The following VWA5A variants were observed in gnomAD, a reference collection of about 807,000 sequenced individuals.
VWA5A encodes the protein von Willebrand factor A domain-containing protein 5A.
A neutral mutation model predicts 84.6 loss-of-function variants in VWA5A; 77 were observed. The observed-to-expected ratio is 0.91, with a 90% CI of 0.76 to 1.10. The LOEUF is 1.10. Among genes scored for constraint, VWA5A ranks in the 50% least tolerant of loss-of-function variants. The probability of loss-of-function intolerance (pLI) is 0.00; values close to 1 mark genes in which losing one functional copy is unlikely to be tolerated. For missense variants in VWA5A, 973 were observed against 963.0 expected, an observed-to-expected ratio of 1.01 and a Z score of -0.14; for synonymous variants, 334 against 350.1, an observed-to-expected ratio of 0.95 and a Z score of 0.51.
intron 11 of VWA5A, chr11:124,124,554 T>A: frequency 8.0e-7 from 1 of 1,249,652 alleles, no homozygotes. Context: ...AACACAAGAA[T>A]TGAATAGTAA....
intron 18 of VWA5A, 111 bp from the exon 19 acceptor site, chr11:124,145,755 A>G: frequency 9.2e-7 from 1 of 1,085,862 alleles, no homozygotes; most frequent in Non-Finnish European, 1.3e-6. Context: ...AAGAAAAAGC[A>G]GGGATATTGA....
At chr11:124,127,148 T>C (rs1865030073) in intron 11 of VWA5A, among the ~76,000 whole-genome samples, 1 of 152,210 alleles carries the variant, frequency 6.6e-6, no homozygotes, top group Non-Finnish European at 1.5e-5. Context: ...TAGATATTTC[T>C]AATTCTATCC....
At position 124,124,182 on chromosome 11, in the gene VWA5A, G is replaced by C. The variant is rs764155596; in HGVS notation, c.1165-55G>C. 7.0e-6 allele frequency: 11 copies of C among 1,565,182 alleles called. No individual in the cohort carries two copies. The Admixed American group carries it at 8.7e-5, about 12-fold the overall frequency. ...GTGGATTTTTCAAGGGCAAATTCTG[G>C]TTTCTTAAAAAGAACTTGACAAAGA... On this transcript the variant is annotated intron_variant, in intron 10 of 18. Transcript: ENST00000456829.
In VWA5A at chr11:124,117,803, C is replaced by T. The variant is rs926184166; in HGVS notation, c.174C>T (p.Asp58=). The change falls in exon 4 of 19, where the codon GAC becomes GAT. Residue 58 remains aspartate (D), a synonymous_variant. Coordinates refer to ENST00000456829, the MANE Select transcript of VWA5A (RefSeq NM_001130142.2). ...EAFFVFPMDE[D]SAVYSFEALV... ...TCTTTGTGTTCCCCATGGATGAAGA[C>T]TCTGCTGTTTACAGCTTTGAGGCCT... The T allele has an allele frequency of 1.2e-6, 2 of 1,614,194 alleles. No individual in the cohort carries two copies. The highest frequency in any genetic ancestry group is 1.7e-6 in the Non-Finnish European group (2 of 1,180,040).
At chr11:124,127,878 A>C (rs1240866432) in intron 11 of VWA5A, among the ~76,000 whole-genome samples, 8 of 151,924 alleles carry the variant, frequency 5.3e-5, no homozygotes, top group Non-Finnish European at 1.2e-4. Context: ...TTTTTCTTGT[A>C]AATTTGTAAG....
Position 124,136,691 on chromosome 11 carries a change from C to CCCTT in VWA5A, c.1625+71_1625+74dup, listed in dbSNP as rs370786608. The CCCTT allele has an allele frequency of 0.065, 70,481 of 1,092,174 alleles. 2,852 individuals carry two copies. The highest frequency in any genetic ancestry group is 0.12 in the South Asian group (8,353 of 67,970). 67.7% of individuals were successfully genotyped at this position (1,092,174 alleles called of 1,614,324 possible). A position where few individuals can be genotyped will look rare whatever the true frequency, so the allele number is the denominator to read the frequency against. On this transcript the variant is annotated intron_variant, in intron 14 of 18. Transcript: ENST00000456829. ...TGATGTCAAGTGAGAATTCAGTTTT[C>CCCTT]CCTTCCTTCCTTCCTTCCTTCCTTC...
rs555964406 is a variant in VWA5A, at chr11:124,136,706, T to C, written c.1625+32T>C. 6.9e-5 allele frequency: 66 copies of C among 953,028 alleles called. No homozygotes were observed. In the South Asian group the frequency reaches 7.3e-4, roughly 11 times the overall value. The allele number at this position is 953,028 out of a possible 1,614,324, so 59.0% of individuals were successfully genotyped here. A position where few individuals can be genotyped will look rare whatever the true frequency, so the allele number is the denominator to read the frequency against. On this transcript the variant is annotated intron_variant, in intron 14 of 18. Coordinates refer to ENST00000456829, the MANE Select transcript of VWA5A (RefSeq NM_001130142.2). ...ATTCAGTTTTCCCTTCCTTCCTTCC[T>C]TCCTTCCTTCCTTCCTTCCTTCCTT...
chr11:124,133,079 A>G (rs1484307635), intron 11 of VWA5A, among the ~76,000 whole-genome samples: 1 of 152,200 alleles, frequency 6.6e-6, no homozygotes, highest in Non-Finnish European at 1.5e-5. Flanking sequence ...AAAATTATAG[A>G]AATTAGATGT....
intron 11 of VWA5A, among the ~76,000 whole-genome samples, chr11:124,130,431 G>A (rs1308809880): frequency 6.6e-6 from 1 of 152,128 alleles, no homozygotes; most frequent in African/African-American, 2.4e-5. Flanking sequence ...GTGTGATGTG[G>A]TGCTGAGAAG....
chr11:124,143,082 G>A (rs1289569939), intron 17 of VWA5A, among the ~76,000 whole-genome samples: 1 of 152,158 alleles, frequency 6.6e-6, no homozygotes, highest in Non-Finnish European at 1.5e-5. Context: ...AAGAGTATCT[G>A]TCTTGAGAAC....
chr11:124,137,291 A>G, intron 15 of VWA5A, 23 bp downstream of exon 15: 2 of 1,609,332 alleles, frequency 1.2e-6, no homozygotes, highest in South Asian at 1.1e-5. Flanking sequence ...ATTCCATTCA[A>G]ACTCATATAG....
Position 124,143,600 on chromosome 11 carries a change from G to T in VWA5A, c.2154+1028G>T, listed in dbSNP as rs563624395. ...TTTTATATTGATTGCATGTTAAAAT[G>T]ATGACTTTTTAATAGATTGGGTTAA... On this transcript the variant is annotated intron_variant, in intron 17 of 18. Transcript: ENST00000456829. Among the ~76,000 whole-genome samples the T allele has an allele frequency of 4.6e-5, 7 of 152,222 alleles. No homozygotes were observed. The South Asian group carries it at 1.5e-3, about 32-fold the overall frequency.
At chr11:124,126,069 C>G (rs1294727585) in intron 11 of VWA5A, among the ~76,000 whole-genome samples, 2 of 152,174 alleles carry the variant, frequency 1.3e-5, no homozygotes, top group Non-Finnish European at 2.9e-5. Flanking sequence ...TTTCTGGGTC[C>G]TCTGTTCCAT....
intron 2 of VWA5A, among the ~76,000 whole-genome samples, chr11:124,117,212 C>G (rs1208723868): frequency 6.6e-6 from 1 of 152,154 alleles, no homozygotes; most frequent in African/African-American, 2.4e-5. Flanking sequence ...ATTAAATACA[C>G]TTTTGAGAAA....
Position 124,145,306 on chromosome 11 carries a change from A to T in VWA5A, c.2224A>T (p.Lys742Ter). 6.2e-7 allele frequency: 1 copy of T among 1,613,834 alleles called. No homozygotes were observed. The highest frequency in any genetic ancestry group is 2.2e-5 in the East Asian group (1 of 44,850). ...IWLHSNGKDLKCEWELLERKA... is the reference protein window; with the variant it reads ...IWLHSNGKDL ...GCTGCACAGCAATGGTAAGGACTTG[A>T]AGTGTGAATGGGAGCTTCTGGAAAG... is the stretch of plus-strand genomic sequence containing the variant. The change falls in exon 18 of 19, where the codon AAG becomes TAG. Residue 742 changes from lysine (K) to a stop codon, truncating the protein, a stop_gained. Coordinates refer to ENST00000456829, the MANE Select transcript of VWA5A (RefSeq NM_001130142.2). LOFTEE classifies it high-confidence loss of function.
rs868405956 is a variant in VWA5A at position 124,122,961 on chromosome 11, T to C, written c.762T>C (p.Gly254=). ...AGTGGCTTTATCCTTTCTGAACAGG[T>C]CATTTGATGGGAGATCCATCTGCAA... ...LEMGMPNMKP[G]HLMGDPSAMV... Residue 254 remains glycine (G), a splice_region_variant and synonymous_variant, in exon 8 of 19, where the codon GGT becomes GGC. Coordinates refer to ENST00000456829, the MANE Select transcript of VWA5A (RefSeq NM_001130142.2). 19 of 1,612,738 alleles carry C rather than the reference T, an allele frequency of 1.2e-5. No individual in the cohort carries two copies. Among genetic ancestry groups the C allele is most frequent in the Middle Eastern group, 3.6e-4 (2 of 5,550 alleles).
At chr11:124,126,254 A>C (rs1865016956) in intron 11 of VWA5A, among the ~76,000 whole-genome samples, 2 of 152,194 alleles carry the variant, frequency 1.3e-5, no homozygotes, top group Non-Finnish European at 2.9e-5. Flanking sequence ...TTAGCTTGTC[A>C]GTTTTTACCA....
rs1343785043 is a variant in VWA5A, at chr11:124,115,481, A to T, written c.-132A>T. 2 of 152,168 alleles carry T rather than the reference A, an allele frequency of 1.3e-5. No homozygotes were observed. Among genetic ancestry groups the T allele is most frequent in the Admixed American group, 6.5e-5 (1 of 15,276 alleles). 9.4% of individuals were successfully genotyped at this position (152,168 alleles called of 1,614,324 possible). A position where few individuals can be genotyped will look rare whatever the true frequency, so the allele number is the denominator to read the frequency against. On this transcript the variant is annotated splice_region_variant and 5_prime_UTR_variant, in exon 1 of 19. In the 5' UTR this introduces an upstream ATG that the reference lacks. Coordinates refer to ENST00000456829, the MANE Select transcript of VWA5A (RefSeq NM_001130142.2). ...GAGCGCTCCGGGCTGCAGGAGAGGA[A>T]GGTAGGGGACCAAGCTACCGGTGCA...
Position 124,142,537 on chromosome 11 carries a change from A to C in VWA5A, c.2119A>C (p.Ser707Arg). 6.2e-7 allele frequency: 1 copy of C among 1,614,176 alleles called. No individual in the cohort carries two copies. Among genetic ancestry groups the C allele is most frequent in the Admixed American group, 1.7e-5 (1 of 60,028 alleles). Residue 707 changes from serine to arginine, a missense_variant, in exon 17 of 19, where the codon AGT becomes CGT. Coordinates refer to ENST00000456829, the MANE Select transcript of VWA5A (RefSeq NM_001130142.2). ...AGATCTAGCCAAGATCCTAGGTATGAGTTTGGAAGAAATAATGGCTGCACA... is the reference window on the plus strand; with the variant it reads ...AGATCTAGCCAAGATCCTAGGTATGCGTTTGGAAGAAATAATGGCTGCACA... ...NEDLAKILGM[S>R]LEEIMAAQPA... is the part of the protein sequence containing the mutation.
Sources: allele counts gnomAD v4.1 joint callset (sites outside exome capture counted in the v4.1 genomes callset), GRCh38; gene constraint gnomAD v4.1.1; transcripts MANE v1.5; gene names NCBI Gene and HGNC (gene_info 2026-07-23, HGNC 2026-07-21).